NKAIN3: variants seen among roughly 807,000 people sequenced by gnomAD.
NKAIN3 encodes sodium/potassium-transporting ATPase subunit beta-1-interacting protein 3.
A neutral mutation model predicts 30.2 loss-of-function variants in NKAIN3; 25 were observed. The ratio of observed to expected loss-of-function variants is 0.83; its 90% CI spans 0.60 to 1.16. The LOEUF is 1.16. Among genes scored for constraint, NKAIN3 ranks in the 50% most tolerant of loss-of-function variants. The pLI, the probability that NKAIN3 is intolerant of heterozygous loss-of-function variation, is 0.00. For synonymous variants in NKAIN3, 91 were observed against 89.6 expected, an observed-to-expected ratio of 1.02 and a Z score of -0.09; for missense variants, 225 against 254.1, an observed-to-expected ratio of 0.89 and a Z score of 0.78.
At chr8:62,626,900 A>G (rs1811805957) in intron 3 of NKAIN3, among the ~76,000 whole-genome samples, 1 of 152,122 alleles carries the variant, frequency 6.6e-6, no homozygotes, top group Admixed American at 6.6e-5. Context: ...AATCTGTTCA[A>G]CATGTCAGTG....
chr8:62,659,688 A>C (rs1284349643), intron 3 of NKAIN3, among the ~76,000 whole-genome samples: 1 of 152,128 alleles, frequency 6.6e-6, no homozygotes, highest in Non-Finnish European at 1.5e-5. Context: ...ACTTGGTTGC[A>C]TCCTCTCTGG....
At chr8:62,263,024 G>A (rs189679491) in intron 1 of NKAIN3, among the ~76,000 whole-genome samples, 113 of 152,184 alleles carry the variant, frequency 7.4e-4, no homozygotes, top group Non-Finnish European at 1.5e-3. Context: ...ATGAAAAACT[G>A]GTTTGGTATT....
At chr8:62,269,128 T>C (rs558210080) in intron 1 of NKAIN3, among the ~76,000 whole-genome samples, 9 of 152,192 alleles carry the variant, frequency 5.9e-5, no homozygotes, top group Non-Finnish European at 7.3e-5. Context: ...ATGTATTCTT[T>C]GTAATTCTGG....
chr8:62,759,739 A>G (rs1357179038), intron 4 of NKAIN3, among the ~76,000 whole-genome samples: 1 of 152,210 alleles, frequency 6.6e-6, no homozygotes, highest in African/African-American at 2.4e-5. Flanking sequence ...CACCAAAGCA[A>G]TGGCAACAAA....
intron 1 of NKAIN3, among the ~76,000 whole-genome samples, chr8:62,477,942 A>G (rs767756383): frequency 6.6e-6 from 1 of 152,176 alleles, no homozygotes; most frequent in African/African-American, 2.4e-5. Context: ...AAATCAATAC[A>G]TATATAACAT....
chr8:62,552,499 G>A (rs1809248434), intron 1 of NKAIN3, among the ~76,000 whole-genome samples: 1 of 152,164 alleles, frequency 6.6e-6, no homozygotes. Context: ...TATTTAATGA[G>A]TGAAGGAGCA....
intron 1 of NKAIN3, among the ~76,000 whole-genome samples, chr8:62,448,533 G>A (rs778937921): frequency 6.6e-6 from 1 of 150,484 alleles, no homozygotes; most frequent in Non-Finnish European, 1.5e-5. Flanking sequence ...ATGCTTTCTA[G>A]CTGTTTGGAT....
At chr8:62,446,425 C>T (rs1018835574) in intron 1 of NKAIN3, among the ~76,000 whole-genome samples, 1 of 151,826 alleles carries the variant, frequency 6.6e-6, no homozygotes, top group African/African-American at 2.4e-5. Context: ...GTGTAATGAG[C>T]GCCATTTTTA....
intron 1 of NKAIN3, among the ~76,000 whole-genome samples, chr8:62,460,151 G>T (rs1301132205): frequency 6.7e-6 from 1 of 150,028 alleles, no homozygotes; most frequent in Non-Finnish European, 1.5e-5. Flanking sequence ...GGTGGCTCAT[G>T]CCTACAATCC....
chr8:62,267,014 C>A lies in NKAIN3; in HGVS notation c.54+17887C>A, dbSNP rs1288012505. On this transcript the variant is annotated intron_variant, in intron 1 of 6. Coordinates refer to ENST00000623646, the MANE Select transcript of NKAIN3 (RefSeq NM_001304533.3). ...ATGTTGCTAAGACCACTGGCTTGCCCTTGAATTATTCCCTGGGTGAACCCA... is the reference window on the plus strand; with the variant it reads ...ATGTTGCTAAGACCACTGGCTTGCCATTGAATTATTCCCTGGGTGAACCCA... 3.3e-5 allele frequency among the ~76,000 whole-genome samples: 5 copies of A among 152,230 alleles called. No individual in the cohort carries two copies. The East Asian group carries it at 7.7e-4, about 23-fold the overall frequency.
At chr8:62,540,832 T>A (rs1585923843) in intron 1 of NKAIN3, among the ~76,000 whole-genome samples, 1 of 152,130 alleles carries the variant, frequency 6.6e-6, no homozygotes, top group East Asian at 1.9e-4. Flanking sequence ...CCTTCAGTCT[T>A]GAAAAAAAAG....
chr8:62,811,696 T>C (rs1158736170), intron 4 of NKAIN3, among the ~76,000 whole-genome samples: 1 of 152,064 alleles, frequency 6.6e-6, no homozygotes, highest in Non-Finnish European at 1.5e-5. Flanking sequence ...TATTTGTGTC[T>C]TTTGCCAATT....
intron 1 of NKAIN3, among the ~76,000 whole-genome samples, chr8:62,417,193 T>C (rs1004846359): frequency 6.6e-6 from 1 of 152,108 alleles, no homozygotes; most frequent in Non-Finnish European, 1.5e-5. Flanking sequence ...TTTTGATTTT[T>C]TAGATCCCAC....
chr8:62,671,701 A>G (rs1041063078), intron 3 of NKAIN3, among the ~76,000 whole-genome samples: 4 of 152,090 alleles, frequency 2.6e-5, no homozygotes, highest in African/African-American at 9.7e-5. Context: ...GGCTTCAGGC[A>G]TAGTTTGATT....
At chr8:62,318,097 A>G (rs956668127) in intron 1 of NKAIN3, among the ~76,000 whole-genome samples, 6 of 152,116 alleles carry the variant, frequency 3.9e-5, no homozygotes, top group Non-Finnish European at 8.8e-5. Context: ...TGGGTGTATA[A>G]GAATGCTTGT....
chr8:62,646,462 T>C (rs1812462957), intron 3 of NKAIN3, among the ~76,000 whole-genome samples: 1 of 152,160 alleles, frequency 6.6e-6, no homozygotes, highest in Non-Finnish European at 1.5e-5. Context: ...GAAGATGATA[T>C]GCTTAGACAT....
At chr8:62,947,155 T>A (rs1203576450) in intron 5 of NKAIN3, among the ~76,000 whole-genome samples, 1 of 152,172 alleles carries the variant, frequency 6.6e-6, no homozygotes, top group Non-Finnish European at 1.5e-5. Context: ...TACAAAGGGG[T>A]TCCTCAAGTT....
intron 1 of NKAIN3, among the ~76,000 whole-genome samples, chr8:62,346,353 G>A (rs758723230): frequency 1.3e-5 from 2 of 151,946 alleles, no homozygotes; most frequent in Non-Finnish European, 2.9e-5. Flanking sequence ...CACTTATGAT[G>A]CCAATTATAA....
intron 1 of NKAIN3, among the ~76,000 whole-genome samples, chr8:62,441,131 G>A (rs1173844135): frequency 6.6e-6 from 1 of 151,870 alleles, no homozygotes; most frequent in Non-Finnish European, 1.5e-5. Flanking sequence ...ATATTCTCCA[G>A]GAATATTAGG....
Sources: gnomAD v4.1 joint callset for allele counts (sites outside exome capture counted in the v4.1 genomes callset) on GRCh38, gnomAD v4.1.1 for gene constraint, MANE v1.5 for transcripts, NCBI Gene and HGNC (gene_info 2026-07-23, HGNC 2026-07-21) for gene names.